Variants in SERINC5 observed in about 807,000 individuals in gnomAD.
SERINC5 encodes serine incorporator 5.
In SERINC5, 41 loss-of-function variants were observed where a neutral mutation model predicts 63.1. The ratio of observed to expected loss-of-function variants is 0.65; its 90% confidence interval spans 0.51 to 0.84. The LOEUF is 0.84. Among genes scored for constraint, SERINC5 ranks in the 40% least tolerant of loss-of-function variants. SERINC5 has a pLI of 0.00. For missense variants in SERINC5, 523 were observed against 573.0 expected, an observed-to-expected ratio of 0.91 and a Z score of 0.89; for synonymous variants, 222 against 215.2, an observed-to-expected ratio of 1.03 and a Z score of -0.28.
At chr5:80,190,319 C>A (rs1258240986) in intron 2 of SERINC5, among the ~76,000 whole-genome samples, 1 of 151,894 alleles carries the variant, frequency 6.6e-6, no homozygotes, top group Non-Finnish European at 1.5e-5. Context: ...CGTCATGTTG[C>A]CCAGGCTGGT....
chr5:80,253,550 A>G (rs1181070869), intron 1 of SERINC5, among the ~76,000 whole-genome samples: 1 of 152,100 alleles, frequency 6.6e-6, no homozygotes, highest in Non-Finnish European at 1.5e-5. Flanking sequence ...ATTAAATCCA[A>G]AGTCCAAAGG....
chr5:80,205,915 CA>C (rs1218941372), intron 1 of SERINC5, among the ~76,000 whole-genome samples: 3 of 101,538 alleles, frequency 3.0e-5, no homozygotes, highest in African/African-American at 1.3e-4. Flanking sequence ...CTACTAAATA[CA>C]AAACAAAACA....
chr5:80,163,478 A>G (rs1283627401), intron 7 of SERINC5, among the ~76,000 whole-genome samples: 1 of 151,762 alleles, frequency 6.6e-6, no homozygotes, highest in Non-Finnish European at 1.5e-5. Flanking sequence ...GGCTTATCAT[A>G]TATGACCTTT....
intron 8 of SERINC5, among the ~76,000 whole-genome samples, chr5:80,154,869 T>C (rs1011583377): frequency 4.6e-5 from 7 of 152,216 alleles, no homozygotes; most frequent in Non-Finnish European, 1.0e-4. Flanking sequence ...AACTTTATAG[T>C]GCAAATGCCT....
intron 9 of SERINC5, among the ~76,000 whole-genome samples, chr5:80,150,272 G>A (rs947019415): frequency 2.6e-5 from 4 of 152,126 alleles, no homozygotes; most frequent in Non-Finnish European, 5.9e-5. Context: ...TACGGCAAGG[G>A]AAGAGCGCAG....
At chr5:80,228,192 G>C (rs1224891733) in intron 1 of SERINC5, among the ~76,000 whole-genome samples, 1 of 144,646 alleles carries the variant, frequency 6.9e-6, no homozygotes, top group Admixed American at 7.0e-5. Flanking sequence ...CTATGATTTC[G>C]GCACTACACT....
intron 1 of SERINC5, among the ~76,000 whole-genome samples, chr5:80,216,821 G>A (rs1303871499): frequency 6.6e-6 from 1 of 151,976 alleles, no homozygotes; most frequent in Non-Finnish European, 1.5e-5. Context: ...GACCAGCCTG[G>A]GTAACATAGT....
Position 80,178,077 on chromosome 5 carries a change from T to C in SERINC5, c.196-13A>G. ...CAAAAAAAGGAATCTGAGGAGAAAG[T>C]TTAGAAAAGTCATCTGTTACAACTG... is the stretch of plus-strand genomic sequence containing the variant. On this transcript the variant is annotated splice_polypyrimidine_tract_variant and intron_variant, in intron 2 of 11. Transcript: ENST00000507668. 2 of 1,575,778 alleles carry C rather than the reference T, an allele frequency of 1.3e-6. No individual in the cohort carries two copies. Among genetic ancestry groups the C allele is most frequent in the Non-Finnish European group, 1.7e-6 (2 of 1,161,346 alleles).
chr5:80,173,815 G>A (rs2112401377), intron 5 of SERINC5, among the ~76,000 whole-genome samples: 1 of 151,978 alleles, frequency 6.6e-6, no homozygotes, highest in African/African-American at 2.4e-5. Context: ...TCACCTTTCT[G>A]CACTTAAAAC....
At chr5:80,175,483 G>T (rs995596340) in intron 4 of SERINC5, among the ~76,000 whole-genome samples, 1 of 152,168 alleles carries the variant, frequency 6.6e-6, no homozygotes, top group Admixed American at 6.5e-5. Context: ...TCAGACAGGG[G>T]ACAAGGACTC....
intron 1 of SERINC5, among the ~76,000 whole-genome samples, chr5:80,254,456 C>T (rs1426269208): frequency 6.6e-6 from 1 of 152,164 alleles, no homozygotes; most frequent in African/African-American, 2.4e-5. Flanking sequence ...CTGGTAATTA[C>T]AGAGCTCTAA....
At chr5:80,241,932 T>C (rs963573198) in intron 1 of SERINC5, among the ~76,000 whole-genome samples, 5 of 151,374 alleles carry the variant, frequency 3.3e-5, no homozygotes, top group African/African-American at 1.2e-4. Context: ...GAGACCAGCC[T>C]GGGCAACATA....
intron 11 of SERINC5, among the ~76,000 whole-genome samples, chr5:80,120,347 A>T (rs923499313): frequency 6.6e-6 from 1 of 152,090 alleles, no homozygotes; most frequent in African/African-American, 2.4e-5. Context: ...GTCTTACATC[A>T]CTTGGATGCA....
intron 2 of SERINC5, among the ~76,000 whole-genome samples, chr5:80,190,301 C>T (rs552454650): frequency 3.3e-5 from 5 of 151,260 alleles, no homozygotes; most frequent in African/African-American, 9.7e-5. Context: ...TTTGTAGAGA[C>T]GGGGTTTCGT....
intron 2 of SERINC5, among the ~76,000 whole-genome samples, chr5:80,191,117 A>C (rs1375708609): frequency 6.6e-6 from 1 of 152,092 alleles, no homozygotes; most frequent in Non-Finnish European, 1.5e-5. Context: ...ACCAAAAAAA[A>C]AAACCACTGA....
chr5:80,214,733 C>A lies in SERINC5; in HGVS notation c.28-11680G>T, dbSNP rs570674813. Among the ~76,000 whole-genome samples the A allele has an allele frequency of 4.6e-5, 7 of 152,174 alleles. No individual in the cohort carries two copies. In the East Asian group the frequency reaches 1.4e-3, roughly 29 times the overall value. ...CCAACATGGTGAAACTCTGTCTCTA[C>A]TAAAAATACAAAAATTAGCCAGGTG... On this transcript the variant is annotated intron_variant, in intron 1 of 11. Coordinates refer to ENST00000507668, the MANE Select transcript of SERINC5 (RefSeq NM_001174072.3).
At chr5:80,154,280 A>T (rs546838318) in intron 8 of SERINC5, among the ~76,000 whole-genome samples, 1 of 152,194 alleles carries the variant, frequency 6.6e-6, no homozygotes, top group Non-Finnish European at 1.5e-5. Context: ...TCTGGGTTCA[A>T]ACGATTCTCC....
intron 1 of SERINC5, among the ~76,000 whole-genome samples, chr5:80,226,803 A>C (rs1013132406): frequency 6.6e-6 from 1 of 152,142 alleles, no homozygotes; most frequent in Non-Finnish European, 1.5e-5. Context: ...CTTAGCATGG[A>C]TTTACTTCAT....
rs767888465 is a variant in SERINC5, at chr5:80,166,492, A to G, written c.764-14T>C. The G allele has an allele frequency of 1.0e-5, 16 of 1,541,902 alleles. No homozygotes were observed. The highest frequency in any genetic ancestry group is 1.9e-5 in the Admixed American group (1 of 53,108). On this transcript the variant is annotated splice_polypyrimidine_tract_variant and intron_variant, in intron 6 of 11. Coordinates refer to ENST00000507668, the MANE Select transcript of SERINC5 (RefSeq NM_001174072.3). Reference sequence around the variant, plus strand: ...AGTGTGGCTGTCCTGAAAAGTGACAAGAGACAGACAACAGGTTTTAATTTG... The same window carrying G: ...AGTGTGGCTGTCCTGAAAAGTGACAGGAGACAGACAACAGGTTTTAATTTG...
Sources: allele counts gnomAD v4.1 joint callset (sites outside exome capture counted in the v4.1 genomes callset), GRCh38; gene constraint gnomAD v4.1.1; transcripts MANE v1.5; gene names NCBI Gene and HGNC (gene_info 2026-07-23, HGNC 2026-07-21).